MAPK10: variants seen among roughly 807,000 people sequenced by gnomAD.
MAPK10 encodes mitogen-activated protein kinase 10.
MAPK10 carries 25 observed loss-of-function variants against 59.3 expected under a neutral mutation model. That is an observed-to-expected ratio of 0.42 (90% CI 0.31 to 0.59). The LOEUF (loss-of-function observed/expected upper bound fraction) is 0.59, where lower values mean the gene tolerates loss of function less well. Ranked by LOEUF, MAPK10 falls within the 20% of genes least tolerant of loss-of-function variation. The pLI is 0.15. For synonymous variants in MAPK10, 190 were observed against 200.5 expected, an observed-to-expected ratio of 0.95 and a Z score of 0.44; for missense variants, 351 against 568.9, an observed-to-expected ratio of 0.62 and a Z score of 3.90.
chr4:86,015,750 T>C lies in MAPK10; in HGVS notation c.*1478A>G, dbSNP rs1640911643. 1 of 152,206 alleles carries C rather than the reference T, an allele frequency of 6.6e-6. No homozygotes were observed. Among genetic ancestry groups the C allele is most frequent in the Non-Finnish European group, 1.5e-5 (1 of 68,036 alleles). 9.4% of individuals were successfully genotyped at this position (152,206 alleles called of 1,614,324 possible). ...GCAGTAAATTTATGGGCAGAGTTAT[T>C]GCTCTTACATCTACTGCAGTACAAA... is the stretch of plus-strand genomic sequence containing the variant. On this transcript the variant is annotated 3_prime_UTR_variant, in exon 14 of 14. Coordinates refer to ENST00000641462, the MANE Select transcript of MAPK10 (RefSeq NM_138982.4).
At chr4:86,553,358 T>G (rs1760006771) in intron 1 of MAPK10, among the ~76,000 whole-genome samples, 1 of 152,144 alleles carries the variant, frequency 6.6e-6, no homozygotes, top group African/African-American at 2.4e-5. Flanking sequence ...GGAGAAAGGA[T>G]AAAAGAGCCC....
chr4:86,452,529 A>G (rs928454801), intron 1 of MAPK10, among the ~76,000 whole-genome samples: 5 of 152,248 alleles, frequency 3.3e-5, no homozygotes, highest in African/African-American at 1.2e-4. Flanking sequence ...ACGCACACAC[A>G]CACACACACA....
intron 1 of MAPK10, among the ~76,000 whole-genome samples, chr4:86,420,513 C>T (rs910860846): frequency 1.3e-5 from 2 of 152,094 alleles, no homozygotes; most frequent in African/African-American, 4.8e-5. Context: ...TTTGGCTGGG[C>T]ATGGAGGCTC....
chr4:86,118,410 A>G (rs999028822), intron 4 of MAPK10, among the ~76,000 whole-genome samples: 1 of 152,032 alleles, frequency 6.6e-6, no homozygotes, highest in Non-Finnish European at 1.5e-5. Flanking sequence ...ACTGCTGAAG[A>G]TTTTCCAGCA....
chr4:86,116,404 A>G lies in MAPK10; in HGVS notation c.237-9052T>C, dbSNP rs139313375. On this transcript the variant is annotated intron_variant, in intron 4 of 13. Coordinates refer to ENST00000641462, the MANE Select transcript of MAPK10 (RefSeq NM_138982.4). ...ATACTAATCAAGACTTTATATGTGTATAAGAATATTGTCTATATTTGGTCA... is the reference window on the plus strand; with the variant it reads ...ATACTAATCAAGACTTTATATGTGTGTAAGAATATTGTCTATATTTGGTCA... 4.9e-3 allele frequency among the ~76,000 whole-genome samples: 746 copies of G among 152,348 alleles called. 20 individuals carry two copies. Among genetic ancestry groups the G allele is most frequent in the Admixed American group, 0.044 (671 of 15,304 alleles).
At chr4:86,085,559 C>T (rs2051612112) in intron 9 of MAPK10, among the ~76,000 whole-genome samples, 1 of 152,014 alleles carries the variant, frequency 6.6e-6, no homozygotes, top group African/African-American at 2.4e-5. Context: ...ATCATCTCAC[C>T]CCGGTTAAAA....
chr4:86,113,381 C>T (rs1185447076), intron 4 of MAPK10, among the ~76,000 whole-genome samples: 1 of 152,138 alleles, frequency 6.6e-6, no homozygotes, highest in Non-Finnish European at 1.5e-5. Flanking sequence ...TTTAGTGCTT[C>T]CTTCAGGGGC....
At chr4:86,064,541 T>C in intron 10 of MAPK10, 151 bp from the exon 11 acceptor site, 1 of 695,262 alleles carries the variant, frequency 1.4e-6, no homozygotes, top group Non-Finnish European at 2.4e-6. Flanking sequence ...AGAAAATGCA[T>C]TTTACACCTG....
Position 86,103,238 on chromosome 4 carries a change from T to C in MAPK10, c.373A>G (p.Ser125Gly), listed in dbSNP as rs756324778. Residue 125 changes from serine to glycine, a missense_variant, in exon 6 of 14, where the codon AGT becomes GGT. Ser to Gly is a moderately conservative substitution (Grantham distance 56). Around this residue, in one of 5 missense-constraint regions of MAPK10, gnomAD observed 51 missense variants for 72.7 expected, o/e 0.70. Coordinates refer to ENST00000641462, the MANE Select transcript of MAPK10 (RefSeq NM_138982.4). ...MKCVNHKNII[S>G]LLNVFTPQKT... ...TGGGGTGTGAAGACATTTAATAAAC[T>C]AATAATCTGAAAGAGAGTGGAAGGG... 1.9e-6 allele frequency: 3 copies of C among 1,565,500 alleles called. No homozygotes were observed. Among genetic ancestry groups the C allele is most frequent in the African/African-American group, 2.7e-5 (2 of 74,248 alleles).
intron 2 of MAPK10, among the ~76,000 whole-genome samples, chr4:86,291,121 C>T (rs1369701002): frequency 6.6e-6 from 1 of 152,168 alleles, no homozygotes; most frequent in African/African-American, 2.4e-5. Flanking sequence ...AGCGGGAGAA[C>T]TGGGTCAGAC....
upstream of MAPK10, among the ~76,000 whole-genome samples, chr4:86,455,396 C>T (rs751914234): frequency 2.0e-5 from 3 of 152,064 alleles, no homozygotes; most frequent in Non-Finnish European, 4.4e-5. Context: ...TCAAGAGACA[C>T]AAACTTCAAG....
At chr4:86,474,910 C>T (rs534875416) in intron 1 of MAPK10, among the ~76,000 whole-genome samples, 1 of 152,184 alleles carries the variant, frequency 6.6e-6, no homozygotes, top group East Asian at 1.9e-4. Context: ...GATGACATTC[C>T]ACCACAAAAG....
intron 2 of MAPK10, among the ~76,000 whole-genome samples, chr4:86,300,373 T>C (rs1564131112): frequency 6.6e-6 from 1 of 152,176 alleles, no homozygotes; most frequent in African/African-American, 2.4e-5. Flanking sequence ...ATCTTCTTCA[T>C]GTTAGAATTC....
intron 1 of MAPK10, among the ~76,000 whole-genome samples, chr4:86,377,502 T>G (rs948490022): frequency 1.3e-5 from 2 of 152,098 alleles, no homozygotes; most frequent in African/African-American, 4.8e-5. Context: ...TTACTTGGAG[T>G]GGGGAGTACC....
chr4:86,440,425 A>G (rs1345382500), intron 1 of MAPK10, among the ~76,000 whole-genome samples: 2 of 152,116 alleles, frequency 1.3e-5, no homozygotes, highest in Non-Finnish European at 2.9e-5. Context: ...TTTTGAACCT[A>G]GGAGTTCAAG....
At position 86,029,200 on chromosome 4, in the gene MAPK10, AAGG is replaced by A. The variant is rs770192964; in HGVS notation, c.1246_1248del (p.Pro416del). 2 of 1,604,628 alleles carry A rather than the reference AAGG, an allele frequency of 1.2e-6. No individual in the cohort carries two copies. The highest frequency in any genetic ancestry group is 2.2e-5 in the South Asian group (2 of 90,870). On this transcript the variant is annotated inframe_deletion, in exon 13 of 14. Transcript: ENST00000641462. ...GTTATTCACGGAGAGTGAGTACCTGAAGGAGAAGGCTGTCCTTTTACTACACCA... is the reference window on the plus strand; with the variant it reads ...GTTATTCACGGAGAGTGAGTACCTGAAGAAGGCTGTCCTTTTACTACACCA...
At chr4:86,226,478 C>T (rs77606493) in intron 2 of MAPK10, among the ~76,000 whole-genome samples, 12,949 of 152,206 alleles carry the variant, frequency 0.085, 1,226 homozygotes, top group African/African-American at 0.23. Flanking sequence ...AGTATCATAC[C>T]ACATTATGCC....
chr4:86,571,261 T>C (rs1046275183), intron 1 of MAPK10, among the ~76,000 whole-genome samples: 9 of 145,980 alleles, frequency 6.2e-5, no homozygotes, highest in Admixed American at 6.2e-4. Flanking sequence ...TATCCAAAAT[T>C]TAAATATATA....
intron 2 of MAPK10, among the ~76,000 whole-genome samples, chr4:86,209,299 G>T (rs982067030): frequency 6.6e-6 from 1 of 152,094 alleles, no homozygotes. Context: ...CAGTACTGAT[G>T]TATTCACGTA....
Sources: gnomAD v4.1 joint callset for allele counts (sites outside exome capture counted in the v4.1 genomes callset) on GRCh38, gnomAD v4.1.1 for gene constraint, gnomAD v4.1.1 regional missense constraint, MANE v1.5 for transcripts, NCBI Gene and HGNC (gene_info 2026-07-23, HGNC 2026-07-21) for gene names.